DEFB109B: variants seen among roughly 807,000 people sequenced by gnomAD.
The protein encoded by DEFB109B is beta-defensin 109B.
upstream of DEFB109B, among the ~76,000 whole-genome samples, chr8:7,311,784 T>C (rs893906044): frequency 9.1e-5 from 2 of 21,914 alleles, no homozygotes; most frequent in Non-Finnish European, 1.4e-4. Flanking sequence ...ATGATGTTCA[T>C]TGTAACTCTA....
upstream of DEFB109B, among the ~76,000 whole-genome samples, chr8:7,309,580 A>C (rs1423245812): frequency 2.0e-5 from 3 of 147,710 alleles, no homozygotes; most frequent in Admixed American, 6.6e-5. Flanking sequence ...ACCAGATATG[A>C]CCCTGCAACA....
chr8:7,312,280 T>C (rs1340803799), upstream of DEFB109B, among the ~76,000 whole-genome samples: 5 of 138,812 alleles, frequency 3.6e-5, 2 homozygotes, highest in African/African-American at 1.7e-4. Context: ...ATAGTACTTA[T>C]AGTTAACAAT....
upstream of DEFB109B, among the ~76,000 whole-genome samples, chr8:7,312,058 A>T (rs375306640): frequency 0.088 from 10,402 of 117,660 alleles, 1,320 homozygotes; most frequent in African/African-American, 0.21. Context: ...AATCCAAAAT[A>T]GGTAATTGTT....
At chr8:7,319,260 A>G (rs1585322078) in intron 1 of DEFB109B, 1 of 134,748 alleles carries the variant, frequency 7.4e-6, no homozygotes, top group Admixed American at 6.9e-5. Flanking sequence ...AGAGAGAGAG[A>G]GAGAGAGAGT....
At position 7,315,232 on chromosome 8, in the gene DEFB109B, G is replaced by C. The variant is rs900672723; in HGVS notation, n.58+2329G>C. 2.8e-3 allele frequency among the ~76,000 whole-genome samples: 316 copies of C among 113,206 alleles called. 2 individuals carry two copies. Among genetic ancestry groups the C allele is most frequent in the Non-Finnish European group, 4.4e-3 (271 of 61,186 alleles). 74.3% of individuals were successfully genotyped at this position (113,206 alleles called of 152,430 possible). ...AAGATAGGTCATGAAAAAACCATTA[G>C]TGGGGCCACACGCGGTGGCTCACGC... On this transcript the variant is annotated intron_variant and non_coding_transcript_variant, in intron 1 of 1. Transcript: ENST00000382656.
At position 7,315,288 on chromosome 8, in the gene DEFB109B, C is replaced by T. The variant is rs966571431; in HGVS notation, n.58+2385C>T. On this transcript the variant is annotated intron_variant and non_coding_transcript_variant, in intron 1 of 1. Transcript: ENST00000382656. ...ATCCCAGCACTTTGGGAGGCCGAGG[C>T]CGGCAGATCACGAGGTCAGTGGCTA... Among the ~76,000 whole-genome samples, 17 of 129,698 alleles carry T rather than the reference C, an allele frequency of 1.3e-4. 1 individual carries two copies. The East Asian group carries it at 2.1e-3, about 16-fold the overall frequency. 85.1% of individuals were successfully genotyped at this position (129,698 alleles called of 152,430 possible).
At chr8:7,318,578 A>C (rs529246928) in intron 1 of DEFB109B, 5 of 129,656 alleles carry the variant, frequency 3.9e-5, no homozygotes, top group South Asian at 2.2e-4. Flanking sequence ...AATAGGATCC[A>C]TTTATTATTA....
upstream of DEFB109B, among the ~76,000 whole-genome samples, chr8:7,310,520 G>T (rs1802560075): frequency 7.3e-6 from 1 of 136,330 alleles, no homozygotes; most frequent in Non-Finnish European, 1.5e-5. Flanking sequence ...GATTATTTTA[G>T]TACTAAGAGT....
At chr8:7,312,056 A>G (rs1802636473), upstream of DEFB109B, among the ~76,000 whole-genome samples, 1 of 119,580 alleles carries the variant, frequency 8.4e-6, no homozygotes, top group Admixed American at 7.8e-5. Flanking sequence ...ATAATCCAAA[A>G]TAGGTAATTG....
chr8:7,316,214 T>C (rs550338160), intron 1 of DEFB109B, among the ~76,000 whole-genome samples: 19 of 1,568 alleles, frequency 0.012, no homozygotes, highest in Non-Finnish European at 0.018. Flanking sequence ...TACTAGTTTA[T>C]TCATTTTTAG....
At chr8:7,313,741 A>G (rs1481382126) in intron 1 of DEFB109B, among the ~76,000 whole-genome samples, 1 of 140,274 alleles carries the variant, frequency 7.1e-6, no homozygotes, top group Non-Finnish European at 1.5e-5. Flanking sequence ...AGGGAAAATT[A>G]TAAATACAAA....
At chr8:7,312,512 T>C (rs1802667737), upstream of DEFB109B, among the ~76,000 whole-genome samples, 1 of 146,128 alleles carries the variant, frequency 6.8e-6, no homozygotes, top group South Asian at 2.1e-4. Flanking sequence ...CAGTTCCTAC[T>C]ATATTGCCTG....
At chr8:7,315,260 G>A (rs1388069819) in intron 1 of DEFB109B, among the ~76,000 whole-genome samples, 45 of 124,688 alleles carry the variant, frequency 3.6e-4, no homozygotes, top group Admixed American at 1.6e-3. Context: ...GCTCACGCCT[G>A]TAATCCCAGC....
upstream of DEFB109B, among the ~76,000 whole-genome samples, chr8:7,311,981 T>C (rs1233089156): frequency 1.6e-5 from 2 of 128,404 alleles, no homozygotes; most frequent in African/African-American, 4.6e-5. Context: ...TTTATTTTAC[T>C]TCATAATAAG....
intron 1 of DEFB109B, among the ~76,000 whole-genome samples, chr8:7,315,486 G>C: frequency 8.6e-6 from 1 of 116,292 alleles, no homozygotes; most frequent in African/African-American, 4.8e-5. Context: ...GCGACAGAGT[G>C]AGACTCCGTC....
In DEFB109B at chr8:7,315,804, T is replaced by C. The variant is rs917769664; in HGVS notation, n.58+2901T>C. ...TGAATTTAAGTTAATTAGCTTTTTT[T>C]AAAGACTTCAGCTCTGTCTTTTAAA... On this transcript the variant is annotated intron_variant and non_coding_transcript_variant, in intron 1 of 1. Coordinates refer to ENST00000382656, the Ensembl canonical transcript of DEFB109B. Among the ~76,000 whole-genome samples the C allele has an allele frequency of 4.8e-5, 7 of 145,956 alleles. 1 individual carries two copies. The highest frequency in any genetic ancestry group is 7.4e-5 in the Non-Finnish European group (5 of 67,972).
chr8:7,310,826 AT>A, upstream of DEFB109B, among the ~76,000 whole-genome samples: 1 of 141,502 alleles, frequency 7.1e-6, no homozygotes, highest in South Asian at 2.2e-4. Flanking sequence ...AAATGCAAAA[AT>A]ATCTTTAACT....
At chr8:7,318,544 AT>A (rs1803087053) in intron 1 of DEFB109B, 1 of 126,258 alleles carries the variant, frequency 7.9e-6, no homozygotes, top group African/African-American at 4.8e-5. Context: ...AAGTAATGTG[AT>A]TATAATTTTA....
At chr8:7,312,101 G>GT (rs1563238056), upstream of DEFB109B, among the ~76,000 whole-genome samples, 1 of 95,816 alleles carries the variant, frequency 1.0e-5, no homozygotes, top group East Asian at 2.7e-4. Flanking sequence ...GGGTGGGGGG[G>GT]GGGAACAGAT....
Sources: allele counts gnomAD v4.1 joint callset (sites outside exome capture counted in the v4.1 genomes callset), GRCh38; gene constraint gnomAD v4.1.1; transcripts MANE v1.5; gene names NCBI Gene and HGNC (gene_info 2026-07-23, HGNC 2026-07-21).